HSD17B12: variants seen among roughly 807,000 people sequenced by gnomAD.
The protein encoded by HSD17B12 is hydroxysteroid 17-beta dehydrogenase 12, also known as very-long-chain 3-oxoacyl-CoA reductase.
HSD17B12 carries 32 observed loss-of-function variants against 39.3 expected under a neutral mutation model. The ratio of observed to expected loss-of-function variants is 0.81; its 90% CI spans 0.61 to 1.09. The LOEUF (loss-of-function observed/expected upper bound fraction) is 1.09. Ranked by LOEUF, HSD17B12 falls within the 50% of genes least tolerant of loss-of-function variation. HSD17B12 has a pLI of 0.00. For missense variants in HSD17B12, 342 were observed against 382.9 expected, an observed-to-expected ratio of 0.89 and a Z score of 0.89; for synonymous variants, 150 against 146.7, an observed-to-expected ratio of 1.02 and a Z score of -0.16.
intron 1 of HSD17B12, among the ~76,000 whole-genome samples, chr11:43,738,021 G>A (rs1221537949): frequency 2.0e-5 from 3 of 149,816 alleles, no homozygotes; most frequent in Admixed American, 6.6e-5. Context: ...TGCAGTGAGC[G>A]GAGATTGCCT....
At chr11:43,816,421 C>A in intron 6 of HSD17B12, 30 bp downstream of exon 6, 1 of 1,501,280 alleles carries the variant, frequency 6.7e-7, no homozygotes, top group Non-Finnish European at 9.0e-7. Context: ...AGATGTCATC[C>A]TTTTTTGGTT....
chr11:43,801,862 G>A (rs1950972709), intron 4 of HSD17B12, among the ~76,000 whole-genome samples: 1 of 151,980 alleles, frequency 6.6e-6, no homozygotes, highest in African/African-American at 2.4e-5. Context: ...ATGAAGTGGG[G>A]GATAGTTTTC....
the HSD17B12 span, among the ~76,000 whole-genome samples, chr11:43,675,041 A>G: frequency 1.3e-5 from 2 of 152,196 alleles, no homozygotes; most frequent in Non-Finnish European, 2.9e-5. Flanking sequence ...CACCCATTCA[A>G]CAGGTATTTA....
intron 6 of HSD17B12, among the ~76,000 whole-genome samples, chr11:43,821,412 G>C (rs1951181865): frequency 6.6e-6 from 1 of 152,164 alleles, no homozygotes; most frequent in Admixed American, 6.5e-5. Context: ...AACTGTAAGA[G>C]AAGTCCTACC....
chr11:43,711,375 A>G (rs1394209974), intron 1 of HSD17B12, among the ~76,000 whole-genome samples: 5 of 152,170 alleles, frequency 3.3e-5, no homozygotes, highest in Non-Finnish European at 7.4e-5. Context: ...TAGATTTTAC[A>G]GAACATTTAG....
chr11:43,728,118 T>G lies in HSD17B12; in HGVS notation c.161-22793T>G, dbSNP rs535827864. Among the ~76,000 whole-genome samples the G allele has an allele frequency of 2.6e-5, 4 of 152,124 alleles. No individual in the cohort carries two copies. The South Asian group carries it at 8.3e-4, about 32-fold the overall frequency. ...TCTTGCTCTGTCACTCAGGCTGGAGTGCAGTGGCACAATCTCCACTCACTG... is the reference window on the plus strand; with the variant it reads ...TCTTGCTCTGTCACTCAGGCTGGAGGGCAGTGGCACAATCTCCACTCACTG... On this transcript the variant is annotated intron_variant, in intron 1 of 10. Coordinates refer to ENST00000278353, the MANE Select transcript of HSD17B12 (RefSeq NM_016142.3).
the HSD17B12 span, among the ~76,000 whole-genome samples, chr11:43,580,305 G>T: frequency 6.7e-6 from 1 of 150,218 alleles, no homozygotes; most frequent in Non-Finnish European, 1.5e-5. Flanking sequence ...CGTCGTTGTG[G>T]GGTCAGGCAG....
intron 3 of HSD17B12, among the ~76,000 whole-genome samples, chr11:43,780,527 CAT>C (rs1324141429): frequency 6.6e-6 from 1 of 151,868 alleles, no homozygotes; most frequent in Non-Finnish European, 1.5e-5. Flanking sequence ...GCATACCATA[CAT>C]ATGTTACATA....
the HSD17B12 span, among the ~76,000 whole-genome samples, chr11:43,572,985 G>A: frequency 2.6e-5 from 4 of 152,126 alleles, no homozygotes; most frequent in African/African-American, 7.2e-5. Context: ...GGAGACAGTC[G>A]ACGCAGGCAG....
chr11:43,815,523 A>G lies in HSD17B12; in HGVS notation c.456+22A>G, dbSNP rs16937636. On this transcript the variant is annotated intron_variant, in intron 5 of 10. Transcript: ENST00000278353. ...CAATGTAAGTCTTTCTTTGTGTATTATGGTAACAAAAATAATGCATGCAGG... is the reference window on the plus strand; with the variant it reads ...CAATGTAAGTCTTTCTTTGTGTATTGTGGTAACAAAAATAATGCATGCAGG... 3.2e-3 allele frequency: 4,672 copies of G among 1,445,198 alleles called. 108 individuals are homozygous for G. The African/African-American group carries it at 0.047, about 15-fold the overall frequency. The allele number at this position is 1,445,198 out of a possible 1,614,324, so 89.5% of individuals were successfully genotyped here. A position where few individuals can be genotyped will look rare whatever the true frequency, so the allele number is the denominator to read the frequency against.
chr11:43,753,614 A>G (rs1590270601), intron 2 of HSD17B12, among the ~76,000 whole-genome samples: 1 of 150,078 alleles, frequency 6.7e-6, no homozygotes, highest in East Asian at 2.0e-4. Flanking sequence ...GGATTTTACT[A>G]TGTTGCCCAG....
At chr11:43,611,898 A>G in the HSD17B12 span, among the ~76,000 whole-genome samples, 1 of 152,198 alleles carries the variant, frequency 6.6e-6, no homozygotes, top group Non-Finnish European at 1.5e-5. Flanking sequence ...CTGAGCTGGT[A>G]CATCATTGTA....
At chr11:43,655,339 T>A in the HSD17B12 span, among the ~76,000 whole-genome samples, 1 of 151,792 alleles carries the variant, frequency 6.6e-6, no homozygotes, top group Non-Finnish European at 1.5e-5. Flanking sequence ...TACACAATCA[T>A]GTCATCTGCA....
At chr11:43,713,278 CT>C (rs2134841189) in intron 1 of HSD17B12, among the ~76,000 whole-genome samples, 1 of 118,700 alleles carries the variant, frequency 8.4e-6, no homozygotes, top group East Asian at 3.1e-4. Flanking sequence ...ATCCCTCCCC[CT>C]CCCCCCACCC....
chr11:43,796,371 G>T (rs561309467), intron 3 of HSD17B12, among the ~76,000 whole-genome samples: 1 of 152,198 alleles, frequency 6.6e-6, no homozygotes, highest in African/African-American at 2.4e-5. Context: ...AAATGGAAAG[G>T]CTCACAATAG....
intron 1 of HSD17B12, among the ~76,000 whole-genome samples, chr11:43,729,417 A>G (rs1189695185): frequency 6.6e-6 from 1 of 152,234 alleles, no homozygotes; most frequent in Non-Finnish European, 1.5e-5. Context: ...CAGCACAACT[A>G]TAACTTCAGG....
At chr11:43,657,268 A>T in the HSD17B12 span, among the ~76,000 whole-genome samples, 2 of 152,082 alleles carry the variant, frequency 1.3e-5, no homozygotes, top group African/African-American at 4.8e-5. Flanking sequence ...ATCTTCCTCC[A>T]TCCCTTTATT....
chr11:43,671,710 T>C, the HSD17B12 span, among the ~76,000 whole-genome samples: 1 of 152,222 alleles, frequency 6.6e-6, no homozygotes, highest in Non-Finnish European at 1.5e-5. Flanking sequence ...ATCACAGCTT[T>C]TACTTCTAAA....
At chr11:43,649,995 T>C in the HSD17B12 span, among the ~76,000 whole-genome samples, 1 of 152,186 alleles carries the variant, frequency 6.6e-6, no homozygotes, top group Non-Finnish European at 1.5e-5. Flanking sequence ...AAATGGATCC[T>C]CCAGCCCCAG....
Sources: gnomAD v4.1 joint callset for allele counts (sites outside exome capture counted in the v4.1 genomes callset) on GRCh38, gnomAD v4.1.1 for gene constraint, MANE v1.5 for transcripts, NCBI Gene and HGNC (gene_info 2026-07-23, HGNC 2026-07-21) for gene names.